Variants in EXOC4 observed in about 807,000 individuals in gnomAD.
EXOC4 encodes SEC8-like 1.
A neutral mutation model predicts 107.2 loss-of-function variants in EXOC4; 71 were observed. That is an observed-to-expected ratio of 0.66 (90% CI 0.55 to 0.81). The LOEUF (loss-of-function observed/expected upper bound fraction) is 0.81, where lower values mean the gene tolerates loss of function less well. Ranked by LOEUF, EXOC4 falls within the 30% of genes least tolerant of loss-of-function variation. EXOC4 has a pLI of 0.00. For synonymous variants in EXOC4, 456 were observed against 441.2 expected (o/e 1.03, Z -0.42); for missense variants, 1,108 against 1,189.6 (o/e 0.93, Z 1.01).
At chr7:133,593,189 G>C (rs1258579550) in intron 9 of EXOC4, among the ~76,000 whole-genome samples, 1 of 152,226 alleles carries the variant, frequency 6.6e-6, no homozygotes, top group Admixed American at 6.5e-5. Flanking sequence ...CTGTACCATA[G>C]TAAGCACTGT....
chr7:133,502,915 A>G (rs1799600412), intron 9 of EXOC4, among the ~76,000 whole-genome samples: 1 of 152,314 alleles, frequency 6.6e-6, no homozygotes, highest in East Asian at 1.9e-4. Context: ...AGTAGATTCT[A>G]AGATTTTTAA....
chr7:133,318,421 G>A (rs781251105), intron 5 of EXOC4, among the ~76,000 whole-genome samples: 1 of 152,212 alleles, frequency 6.6e-6, no homozygotes, highest in Non-Finnish European at 1.5e-5. Context: ...CTCTGCTTTT[G>A]TAACTGGGTT....
At chr7:133,701,478 C>T (rs934224592) in intron 10 of EXOC4, among the ~76,000 whole-genome samples, 1 of 152,136 alleles carries the variant, frequency 6.6e-6, no homozygotes, top group African/African-American at 2.4e-5. Context: ...GTGATTCCCC[C>T]ATTATCCATG....
intron 17 of EXOC4, among the ~76,000 whole-genome samples, chr7:134,013,860 C>G (rs1183905177): frequency 6.6e-6 from 1 of 151,950 alleles, no homozygotes; most frequent in Non-Finnish European, 1.5e-5. Flanking sequence ...AGCAGGATTG[C>G]TGTAACAATA....
intron 14 of EXOC4, among the ~76,000 whole-genome samples, chr7:133,993,328 T>C (rs1794305244): frequency 6.6e-6 from 1 of 152,182 alleles, no homozygotes; most frequent in Non-Finnish European, 1.5e-5. Context: ...TTAGGACAAT[T>C]ATAGTGAAAG....
At chr7:134,080,222 A>G in the EXOC4 span, among the ~76,000 whole-genome samples, 1 of 152,150 alleles carries the variant, frequency 6.6e-6, no homozygotes, top group South Asian at 2.1e-4. Flanking sequence ...CAAATAAAAA[A>G]TAGTCTACAA....
At chr7:133,532,459 G>C (rs552349343) in intron 9 of EXOC4, among the ~76,000 whole-genome samples, 8 of 152,040 alleles carry the variant, frequency 5.3e-5, no homozygotes, top group Admixed American at 2.6e-4. Flanking sequence ...TTGGTGCTTC[G>C]TTTTGTAGGT....
chr7:133,469,110 G>T (rs911886071), intron 7 of EXOC4, among the ~76,000 whole-genome samples: 3 of 152,106 alleles, frequency 2.0e-5, no homozygotes, highest in Non-Finnish European at 4.4e-5. Context: ...CACTGAATAC[G>T]TGAAGTTAGT....
chr7:133,317,125 A>G lies in EXOC4; in HGVS notation c.657-159A>G, dbSNP rs149878009. Among the ~76,000 whole-genome samples, 7 of 152,182 alleles carry G rather than the reference A, an allele frequency of 4.6e-5. No homozygotes were observed. The East Asian group carries it at 1.4e-3, about 29-fold the overall frequency. On this transcript the variant is annotated intron_variant, in intron 4 of 17. Transcript: ENST00000253861. ...TGTGACAGTCACCTCTTTATTGGAA[A>G]TATACTGGGGAGATCCAGTATAGTA...
chr7:133,379,457 A>AT (rs1174536199), intron 7 of EXOC4, among the ~76,000 whole-genome samples: 2 of 152,156 alleles, frequency 1.3e-5, no homozygotes, highest in Non-Finnish European at 2.9e-5. Flanking sequence ...ATGGAAAGAG[A>AT]TAACCATGAA....
At chr7:133,684,180 C>G (rs1794245631) in intron 10 of EXOC4, among the ~76,000 whole-genome samples, 1 of 152,132 alleles carries the variant, frequency 6.6e-6, no homozygotes, top group Admixed American at 6.5e-5. Flanking sequence ...GGTCATATTG[C>G]TCAGAAAAGA....
chr7:133,994,331 A>G (rs1794330646), intron 14 of EXOC4, among the ~76,000 whole-genome samples: 1 of 152,214 alleles, frequency 6.6e-6, no homozygotes, highest in Middle Eastern at 3.4e-3. Flanking sequence ...TCCGTGGCAT[A>G]TATGCACCAT....
intron 11 of EXOC4, among the ~76,000 whole-genome samples, chr7:133,884,581 C>CTTG (rs1554414584): frequency 1.4e-5 from 2 of 143,632 alleles, no homozygotes; most frequent in African/African-American, 5.2e-5. Context: ...GCCCTATGCT[C>CTTG]TGTGTGTGTG....
chr7:133,552,749 C>T (rs1269341504), intron 9 of EXOC4, among the ~76,000 whole-genome samples: 2 of 152,108 alleles, frequency 1.3e-5, no homozygotes, highest in Non-Finnish European at 2.9e-5. Flanking sequence ...TAGCATCTGG[C>T]ACAGTATCTG....
intron 2 of EXOC4, among the ~76,000 whole-genome samples, chr7:133,283,500 A>G (rs562699785): frequency 1.3e-5 from 2 of 152,330 alleles, no homozygotes; most frequent in East Asian, 3.9e-4. Context: ...TCTTTTTGAC[A>G]TATTGACTTC....
chr7:133,679,455 G>A (rs1356582196), intron 10 of EXOC4, among the ~76,000 whole-genome samples: 1 of 152,066 alleles, frequency 6.6e-6, no homozygotes, highest in Non-Finnish European at 1.5e-5. Flanking sequence ...TCCTCATGGT[G>A]GAAGTCCACT....
intron 14 of EXOC4, 68 bp downstream of exon 14, chr7:133,938,137 A>T: frequency 6.6e-7 from 1 of 1,517,600 alleles, no homozygotes; most frequent in Non-Finnish European, 9.1e-7. Context: ...TCATTGAAAG[A>T]TGAGAGTGTA....
intron 14 of EXOC4, among the ~76,000 whole-genome samples, chr7:133,982,995 GA>G (rs538196549): frequency 1.3e-5 from 2 of 152,278 alleles, no homozygotes; most frequent in African/African-American, 4.8e-5. Flanking sequence ...TAATTTGTAA[GA>G]AAACAGATTT....
intron 11 of EXOC4, among the ~76,000 whole-genome samples, chr7:133,886,523 A>T (rs1799091168): frequency 6.6e-6 from 1 of 152,106 alleles, no homozygotes; most frequent in Non-Finnish European, 1.5e-5. Flanking sequence ...TTTTTTTATT[A>T]CATCAACTGT....
Sources: allele counts gnomAD v4.1 joint callset (sites outside exome capture counted in the v4.1 genomes callset), GRCh38; gene constraint gnomAD v4.1.1; transcripts MANE v1.5; gene names NCBI Gene and HGNC (gene_info 2026-07-23, HGNC 2026-07-21).